The following AMZ1 variants were observed in gnomAD, a reference collection of about 807,000 sequenced individuals.
AMZ1 encodes the protein archaemetzincin-1.
AMZ1 carries 39 observed loss-of-function variants against 29.9 expected under a neutral mutation model. The observed-to-expected ratio is 1.30, with a 90% CI of 1.01 to 1.70. The LOEUF (loss-of-function observed/expected upper bound fraction) is 1.70. Ranked by LOEUF, AMZ1 falls within the 40% of genes most tolerant of loss-of-function variation. The probability of loss-of-function intolerance (pLI) is 0.00; values close to 1 mark genes in which losing one functional copy is unlikely to be tolerated. For missense variants in AMZ1, 1,041 were observed against 680.6 expected (o/e 1.53, Z -5.89); for synonymous variants, 458 against 304.0 (o/e 1.51, Z -5.27).
intron 6 of AMZ1, among the ~76,000 whole-genome samples, chr7:2,712,013 C>T (rs1003102946): frequency 2.0e-5 from 3 of 152,090 alleles, no homozygotes; most frequent in African/African-American, 7.2e-5. Flanking sequence ...CAGCACTGCA[C>T]TCCAGCCTGG....
At chr7:2,749,326 G>A (rs979941821) in intron 4 of AMZ1, among the ~76,000 whole-genome samples, 1 of 152,124 alleles carries the variant, frequency 6.6e-6, no homozygotes, top group Non-Finnish European at 1.5e-5. Context: ...GAATACTATG[G>A]AGCCATAAAA....
chr7:2,683,208 G>A (rs535549536), upstream of AMZ1, among the ~76,000 whole-genome samples: 62 of 152,298 alleles, frequency 4.1e-4, 1 homozygote, highest in African/African-American at 1.5e-3. Flanking sequence ...ACAGCTGTGC[G>A]GCTTCAAACA....
At chr7:2,690,790 G>T (rs1403563550) in intron 1 of AMZ1, among the ~76,000 whole-genome samples, 1 of 152,068 alleles carries the variant, frequency 6.6e-6, no homozygotes, top group Non-Finnish European at 1.5e-5. Flanking sequence ...TTGGCAGTTT[G>T]GGCCCAAGTC....
At chr7:2,744,098 G>T (rs1018497533) in intron 4 of AMZ1, among the ~76,000 whole-genome samples, 1 of 152,224 alleles carries the variant, frequency 6.6e-6, no homozygotes, top group East Asian at 1.9e-4. Context: ...TGGGGGCAGG[G>T]CACAGACAAA....
At position 2,709,827 on chromosome 7, in the gene AMZ1, G is replaced by C. The variant is rs1788649045; in HGVS notation, c.948+11G>C. 2 of 1,610,850 alleles carry C rather than the reference G, an allele frequency of 1.2e-6. No homozygotes were observed. Among genetic ancestry groups the C allele is most frequent in the African/African-American group, 2.7e-5 (2 of 74,904 alleles). ...ATCGAGAGGTACCAGGTGAGTGGCT[G>C]AGTTGCGCTGCCCGGCTGCTGGGAC... On this transcript the variant is annotated intron_variant, in intron 6 of 6. Transcript: ENST00000683327.
intron 1 of AMZ1, among the ~76,000 whole-genome samples, chr7:2,691,111 T>C (rs1787359464): frequency 2.5e-5 from 3 of 120,398 alleles, no homozygotes; most frequent in Admixed American, 1.1e-4. Flanking sequence ...GCCACTGCAC[T>C]CCAGCCTGGG....
chr7:2,705,499 C>T (rs1583167198), intron 3 of AMZ1, among the ~76,000 whole-genome samples: 1 of 152,222 alleles, frequency 6.6e-6, no homozygotes, highest in Non-Finnish European at 1.5e-5. Flanking sequence ...CGGCTCTCTA[C>T]CCCTCTACCG....
intron 4 of AMZ1, among the ~76,000 whole-genome samples, chr7:2,733,045 T>C (rs990659325): frequency 2.0e-5 from 3 of 152,206 alleles, no homozygotes; most frequent in Admixed American, 1.3e-4. Context: ...CTTTTTGAGG[T>C]ACACTCTAAA....
intron 5 of AMZ1, 138 bp from the exon 6 acceptor site, chr7:2,709,502 G>C (rs1032611499): frequency 1.5e-6 from 2 of 1,343,854 alleles, no homozygotes; most frequent in Admixed American, 2.4e-5. Flanking sequence ...GCCTGGGGCA[G>C]GGGGAGGGCG....
intron 4 of AMZ1, among the ~76,000 whole-genome samples, chr7:2,732,433 C>G (rs1340461057): frequency 6.6e-6 from 1 of 152,146 alleles, no homozygotes; most frequent in African/African-American, 2.4e-5. Context: ...ATAGTCCCAG[C>G]TACTTGGGAG....
Position 2,732,837 on chromosome 7 carries a change from C to T in AMZ1, n.550+23021C>T, listed in dbSNP as rs528965693. Among the ~76,000 whole-genome samples the T allele has an allele frequency of 9.8e-5, 15 of 152,336 alleles. 1 individual carries two copies. In the South Asian group the frequency reaches 2.7e-3, roughly 27 times the overall value. ...AAAAGGAGAGACATACAGATTAACA[C>T]TTAAGTGATCCTGACCAATGGCAAT... On this transcript the variant is annotated intron_variant and non_coding_transcript_variant, in intron 4 of 4. Transcript: ENST00000489665.
At chr7:2,761,056 G>A (rs1329677363), upstream of AMZ1, among the ~76,000 whole-genome samples, 2 of 152,180 alleles carry the variant, frequency 1.3e-5, no homozygotes, top group African/African-American at 2.4e-5. Flanking sequence ...ACATGTAAAC[G>A]GAGTCAGGAA....
chr7:2,703,009 C>T (rs1308648384), intron 3 of AMZ1, 120 bp downstream of exon 3: 40 of 1,341,688 alleles, frequency 3.0e-5, no homozygotes, highest in Admixed American at 1.7e-4. Flanking sequence ...GGGAAACATC[C>T]ATTTCCCAGG....
chr7:2,694,591 T>G lies in AMZ1; in HGVS notation c.-218-5643T>G, dbSNP rs1007746409. ...AGGTGTGAGCCACCGTACCTGGTCA[T>G]AATCCTATAAATATACATGTGAGAT... On this transcript the variant is annotated intron_variant, in intron 1 of 6. Transcript: ENST00000683327. Among the ~76,000 whole-genome samples the G allele has an allele frequency of 3.3e-5, 5 of 152,104 alleles. No individual in the cohort carries two copies. The East Asian group carries it at 9.6e-4, about 29-fold the overall frequency.
At chr7:2,695,033 G>A (rs914202708) in intron 1 of AMZ1, among the ~76,000 whole-genome samples, 2 of 152,104 alleles carry the variant, frequency 1.3e-5, no homozygotes, top group African/African-American at 2.4e-5. Flanking sequence ...CCTGGGACCC[G>A]CCTGGCCTCT....
At chr7:2,690,991 A>G (rs1219577794) in intron 1 of AMZ1, among the ~76,000 whole-genome samples, 3 of 151,958 alleles carry the variant, frequency 2.0e-5, no homozygotes, top group African/African-American at 7.3e-5. Context: ...AGATAACAAA[A>G]TTAGCCTGGC....
intron 4 of AMZ1, among the ~76,000 whole-genome samples, chr7:2,750,690 G>A (rs1349600971): frequency 6.6e-6 from 1 of 152,198 alleles, no homozygotes; most frequent in African/African-American, 2.4e-5. Context: ...TGAAGCCACG[G>A]ACACGGGGGA....
In AMZ1 at chr7:2,705,757, A is replaced by G. The variant is rs541858832; in HGVS notation, c.473-2831A>G. Among the ~76,000 whole-genome samples, 4 of 152,276 alleles carry G rather than the reference A, an allele frequency of 2.6e-5. No homozygotes were observed. The East Asian group carries it at 5.8e-4, about 22-fold the overall frequency. Reference sequence around the variant, plus strand: ...CTGGCCTGCTTTCTGGGTACAGCCTACACTCCACAGGCTTCCCCAGCCCCT... The same window carrying G: ...CTGGCCTGCTTTCTGGGTACAGCCTGCACTCCACAGGCTTCCCCAGCCCCT... On this transcript the variant is annotated intron_variant, in intron 3 of 6. Transcript: ENST00000683327.
At chr7:2,750,825 A>G (rs1396699044) in intron 4 of AMZ1, among the ~76,000 whole-genome samples, 1 of 152,216 alleles carries the variant, frequency 6.6e-6, no homozygotes, top group African/African-American at 2.4e-5. Context: ...TCAGAACCAG[A>G]TTCGGATATG....
Sources: allele counts gnomAD v4.1 joint callset (sites outside exome capture counted in the v4.1 genomes callset), GRCh38; gene constraint gnomAD v4.1.1; transcripts MANE v1.5; gene names NCBI Gene and HGNC (gene_info 2026-07-23, HGNC 2026-07-21).